Variants in CSMD1 observed in about 807,000 individuals in gnomAD.
CSMD1 encodes the protein CUB and sushi domain-containing protein 1.
Under a neutral mutation model 417.5 loss-of-function variants are expected in CSMD1, and 213 were observed. The ratio of observed to expected loss-of-function variants is 0.51; its 90% confidence interval spans 0.46 to 0.57. CSMD1 has a LOEUF of 0.57. CSMD1 is among the 20% of genes least tolerant of loss of function. The pLI is 0.00. For synonymous variants in CSMD1, 2,862 were observed against 1,736.8 expected, an observed-to-expected ratio of 1.65 and a Z score of -16.11; for missense variants, 6,923 against 4,529.7, an observed-to-expected ratio of 1.53 and a Z score of -15.17.
At chr8:4,129,966 C>A (rs778470091) in intron 3 of CSMD1, among the ~76,000 whole-genome samples, 2 of 152,034 alleles carry the variant, frequency 1.3e-5, no homozygotes, top group Admixed American at 6.5e-5. Context: ...TTTTCAGTTT[C>A]TTCCCAGTTG....
At chr8:3,984,283 T>C (rs1043951148) in intron 5 of CSMD1, among the ~76,000 whole-genome samples, 1 of 152,120 alleles carries the variant, frequency 6.6e-6, no homozygotes, top group Non-Finnish European at 1.5e-5. Context: ...ATGTCCCCAA[T>C]AAAATGTCAC....
At chr8:4,091,650 G>C (rs1175550137) in intron 3 of CSMD1, among the ~76,000 whole-genome samples, 1 of 152,236 alleles carries the variant, frequency 6.6e-6, no homozygotes, top group African/African-American at 2.4e-5. Flanking sequence ...CCCACAACGA[G>C]TTCTTCAAAA....
intron 5 of CSMD1, among the ~76,000 whole-genome samples, chr8:3,794,330 A>T (rs1273224583): frequency 6.6e-6 from 1 of 152,114 alleles, no homozygotes; most frequent in Non-Finnish European, 1.5e-5. Context: ...GGTGATTTTT[A>T]AGCTGAGTAA....
At chr8:3,899,668 T>G (rs1316409567) in intron 5 of CSMD1, among the ~76,000 whole-genome samples, 3 of 152,222 alleles carry the variant, frequency 2.0e-5, no homozygotes, top group African/African-American at 7.2e-5. Context: ...AGAAGGTGGC[T>G]TTTGTTATAA....
chr8:3,076,336 A>G (rs1316870019), intron 49 of CSMD1, among the ~76,000 whole-genome samples: 1 of 152,228 alleles, frequency 6.6e-6, no homozygotes, highest in African/African-American at 2.4e-5. Flanking sequence ...TGAGGACACC[A>G]GCCACATTGG....
intron 2 of CSMD1, among the ~76,000 whole-genome samples, chr8:4,421,951 T>C (rs548619766): frequency 6.8e-4 from 103 of 152,152 alleles, no homozygotes; most frequent in Non-Finnish European, 1.2e-3. Context: ...AGAGTCACTG[T>C]CATTAAACAT....
At chr8:4,074,379 A>G (rs1173955587) in intron 3 of CSMD1, among the ~76,000 whole-genome samples, 1 of 152,102 alleles carries the variant, frequency 6.6e-6, no homozygotes, top group East Asian at 1.9e-4. Context: ...TGATAGCAGT[A>G]TTTTCAATGT....
At chr8:3,594,212 A>G (rs1800987303) in intron 8 of CSMD1, among the ~76,000 whole-genome samples, 1 of 152,192 alleles carries the variant, frequency 6.6e-6, no homozygotes, top group Non-Finnish European at 1.5e-5. Context: ...TGCACCAGAC[A>G]TGAGGCGAGC....
rs995435972 is a variant in CSMD1 at position 4,833,763 on chromosome 8, C to T, written c.85+160569G>A. On this transcript the variant is annotated intron_variant, in intron 1 of 69. Transcript: ENST00000635120. ...CTCCTGATTTACATTGACTTCTATT[C>T]GTTATCTTAGGATATGATCCCATGG... Among the ~76,000 whole-genome samples, 8 of 152,262 alleles carry T rather than the reference C, an allele frequency of 5.3e-5. No individual in the cohort carries two copies. The South Asian group carries it at 1.0e-3, about 20-fold the overall frequency.
intron 5 of CSMD1, among the ~76,000 whole-genome samples, chr8:3,900,306 G>T (rs112580466): frequency 6.6e-6 from 1 of 150,928 alleles, no homozygotes; most frequent in Non-Finnish European, 1.5e-5. Context: ...ACTGTAGCTG[G>T]GTGACAGTGC....
intron 3 of CSMD1, among the ~76,000 whole-genome samples, chr8:4,267,719 A>G (rs1047985845): frequency 6.6e-6 from 1 of 152,092 alleles, no homozygotes; most frequent in Non-Finnish European, 1.5e-5. Context: ...TCCTCACCAA[A>G]GTTCTGAAGA....
intron 7 of CSMD1, among the ~76,000 whole-genome samples, chr8:3,667,824 A>G (rs1028988049): frequency 3.3e-5 from 5 of 152,228 alleles, no homozygotes; most frequent in Admixed American, 2.6e-4. Context: ...ATTCATGAAC[A>G]GCAGGCATCC....
At chr8:3,732,805 C>A (rs1420602121) in intron 6 of CSMD1, among the ~76,000 whole-genome samples, 1 of 152,108 alleles carries the variant, frequency 6.6e-6, no homozygotes, top group Admixed American at 6.5e-5. Flanking sequence ...TTCCGTTTCA[C>A]CTGGCCTCAT....
intron 12 of CSMD1, among the ~76,000 whole-genome samples, chr8:3,414,680 C>T (rs983557433): frequency 2.6e-5 from 4 of 152,176 alleles, no homozygotes; most frequent in African/African-American, 9.7e-5. Flanking sequence ...GTGATGTGAA[C>T]ATCGCTGTTT....
At chr8:4,162,886 C>T (rs1238489019) in intron 3 of CSMD1, among the ~76,000 whole-genome samples, 1 of 152,150 alleles carries the variant, frequency 6.6e-6, no homozygotes, top group Non-Finnish European at 1.5e-5. Context: ...TAAAAATTTC[C>T]CTGTTGATTT....
rs569979043 is a variant in CSMD1, at chr8:4,011,525, T to G, written c.611-13415A>C. Among the ~76,000 whole-genome samples the G allele has an allele frequency of 3.9e-5, 6 of 152,282 alleles. No individual in the cohort carries two copies. The South Asian group carries it at 1.2e-3, about 32-fold the overall frequency. ...GAGTCAGAGTTTCACCCTCCTGGGT[T>G]TCCTGCAGAAGGCCCACATGTCAGC... is the stretch of plus-strand genomic sequence containing the variant. On this transcript the variant is annotated intron_variant, in intron 4 of 69. Coordinates refer to ENST00000635120, the MANE Select transcript of CSMD1 (RefSeq NM_033225.6).
chr8:3,939,000 A>G lies in CSMD1; in HGVS notation c.818+58903T>C, dbSNP rs149658919. ...ATGAGAGTGTGGAATGGGGTGGGGT[A>G]GAATATTACATGTATAGTGAAATGG... On this transcript the variant is annotated intron_variant, in intron 5 of 69. Coordinates refer to ENST00000635120, the MANE Select transcript of CSMD1 (RefSeq NM_033225.6). Among the ~76,000 whole-genome samples the G allele has an allele frequency of 3.9e-5, 6 of 152,256 alleles. No individual in the cohort carries two copies. The East Asian group carries it at 1.2e-3, about 29-fold the overall frequency.
At chr8:4,090,994 C>G (rs1426828791) in intron 3 of CSMD1, among the ~76,000 whole-genome samples, 1 of 151,536 alleles carries the variant, frequency 6.6e-6, no homozygotes, top group African/African-American at 2.4e-5. Context: ...TCCTGGCTCA[C>G]TGCAACCTCC....
intron 5 of CSMD1, among the ~76,000 whole-genome samples, chr8:3,832,591 A>C (rs1234563595): frequency 6.6e-6 from 1 of 152,198 alleles, no homozygotes; most frequent in Non-Finnish European, 1.5e-5. Context: ...CAAAAACAGA[A>C]ATAACACAGC....
Sources: gnomAD v4.1 joint callset for allele counts (sites outside exome capture counted in the v4.1 genomes callset) on GRCh38, gnomAD v4.1.1 for gene constraint, MANE v1.5 for transcripts, NCBI Gene and HGNC (gene_info 2026-07-23, HGNC 2026-07-21) for gene names.